Variants in KHDRBS2 observed in about 807,000 individuals in gnomAD.
KHDRBS2 encodes KH domain-containing, RNA-binding, signal transduction-associated protein 2.
KHDRBS2 carries 26 observed loss-of-function variants against 44.3 expected under a neutral mutation model. That is an observed-to-expected ratio of 0.59 (90% CI 0.43 to 0.81). The LOEUF (loss-of-function observed/expected upper bound fraction) is 0.81. KHDRBS2 is among the 40% of genes least tolerant of loss of function. KHDRBS2 has a pLI of 0.00. For synonymous variants in KHDRBS2, 194 were observed against 151.1 expected (o/e 1.28, Z -2.08); for missense variants, 476 against 433.1 (o/e 1.10, Z -0.88).
intron 3 of KHDRBS2, among the ~76,000 whole-genome samples, chr6:62,023,877 AAAGC>A (rs1782797063): frequency 1.3e-5 from 2 of 151,244 alleles, no homozygotes; most frequent in South Asian, 4.2e-4. Flanking sequence ...CTAAAAAAAC[AAAGC>A]AAGAGGCTTT....
At chr6:62,098,599 A>T (rs1801174984) in intron 2 of KHDRBS2, among the ~76,000 whole-genome samples, 1 of 152,038 alleles carries the variant, frequency 6.6e-6, no homozygotes, top group South Asian at 2.1e-4. Context: ...CCTTTGAGAG[A>T]TCAATTATGA....
At chr6:62,156,821 G>A (rs1396580799) in intron 2 of KHDRBS2, among the ~76,000 whole-genome samples, 4 of 144,666 alleles carry the variant, frequency 2.8e-5, no homozygotes, top group Non-Finnish European at 6.0e-5. Flanking sequence ...ACAGGTGCCC[G>A]CCACCACGCC....
chr6:61,910,796 T>C (rs779747236), intron 4 of KHDRBS2, among the ~76,000 whole-genome samples: 1 of 152,188 alleles, frequency 6.6e-6, no homozygotes, highest in Non-Finnish European at 1.5e-5. Flanking sequence ...GTTTAGATAA[T>C]ATTAAACGAC....
At chr6:61,630,342 T>A in the KHDRBS2 span, 1 of 137,666 alleles carries the variant, frequency 7.3e-6, no homozygotes, top group Admixed American at 7.6e-5. Context: ...CAATGAACAT[T>A]TTTTGTAGGT....
At chr6:61,908,065 T>G (rs1480646714) in intron 4 of KHDRBS2, among the ~76,000 whole-genome samples, 1 of 152,172 alleles carries the variant, frequency 6.6e-6, no homozygotes, top group Non-Finnish European at 1.5e-5. Flanking sequence ...TTTATAAATT[T>G]TATGCTCAAC....
chr6:61,944,541 T>C (rs1812808010), intron 4 of KHDRBS2, among the ~76,000 whole-genome samples: 1 of 151,788 alleles, frequency 6.6e-6, no homozygotes, highest in African/African-American at 2.4e-5. Context: ...TGGTAGTGAA[T>C]AGGTACAAAC....
intron 6 of KHDRBS2, among the ~76,000 whole-genome samples, chr6:61,839,677 G>A (rs916981894): frequency 6.6e-6 from 1 of 152,110 alleles, no homozygotes; most frequent in Admixed American, 6.6e-5. Flanking sequence ...ACAAAGTGAA[G>A]AGAATGTAGG....
the KHDRBS2 span, among the ~76,000 whole-genome samples, chr6:61,587,363 A>ATCTCTCTCTC: frequency 1.3e-5 from 2 of 149,594 alleles, no homozygotes; most frequent in African/African-American, 4.9e-5. Flanking sequence ...GCTTTTTTTT[A>ATCTCTCTCTC]TCTCTCTCTC....
intron 6 of KHDRBS2, among the ~76,000 whole-genome samples, chr6:61,795,374 C>T (rs1229456338): frequency 1.3e-5 from 2 of 151,832 alleles, no homozygotes; most frequent in African/African-American, 4.8e-5. Context: ...TCAACTTATA[C>T]ACAAGATTAA....
chr6:61,970,638 A>C (rs1470050056), intron 4 of KHDRBS2, among the ~76,000 whole-genome samples: 1 of 152,144 alleles, frequency 6.6e-6, no homozygotes, highest in Non-Finnish European at 1.5e-5. Context: ...GATTTGCAAC[A>C]GTTCTACTGG....
chr6:61,665,405 G>A, the KHDRBS2 span, among the ~76,000 whole-genome samples: 4 of 151,332 alleles, frequency 2.6e-5, no homozygotes, highest in East Asian at 2.0e-4. Context: ...TGCATTCTCA[G>A]AAAAACCAGG....
chr6:61,638,682 T>C, the KHDRBS2 span, among the ~76,000 whole-genome samples: 1 of 152,156 alleles, frequency 6.6e-6, no homozygotes, highest in African/African-American at 2.4e-5. Context: ...TTGAAGATCT[T>C]TTAACAGTAA....
At chr6:62,183,399 T>A (rs983436735) in intron 1 of KHDRBS2, among the ~76,000 whole-genome samples, 1 of 151,694 alleles carries the variant, frequency 6.6e-6, no homozygotes, top group Admixed American at 6.6e-5. Flanking sequence ...TAGAGCTATA[T>A]AGAACTAAAT....
chr6:61,668,825 T>C, the KHDRBS2 span, among the ~76,000 whole-genome samples: 1 of 151,024 alleles, frequency 6.6e-6, no homozygotes, highest in African/African-American at 2.4e-5. Flanking sequence ...AAATATATTT[T>C]AGTAGTGGGT....
At chr6:61,645,359 G>T in the KHDRBS2 span, among the ~76,000 whole-genome samples, 89,733 of 151,726 alleles carry the variant, frequency 0.59, 26,741 homozygotes, top group African/African-American at 0.61. Context: ...ACTAACTATT[G>T]GGTACTAGGC....
the KHDRBS2 span, among the ~76,000 whole-genome samples, chr6:61,548,789 G>T: frequency 2.0e-5 from 3 of 152,018 alleles, no homozygotes; most frequent in Non-Finnish European, 4.4e-5. Flanking sequence ...ATAGGAAAAA[G>T]TGGAGTTATC....
chr6:61,681,520 C>T (rs1323321564), intron 8 of KHDRBS2, among the ~76,000 whole-genome samples: 1 of 151,666 alleles, frequency 6.6e-6, no homozygotes, highest in Non-Finnish European at 1.5e-5. Flanking sequence ...TTCAAATACT[C>T]CCCAGATGAT....
chr6:61,624,966 T>C, the KHDRBS2 span, among the ~76,000 whole-genome samples: 1 of 152,070 alleles, frequency 6.6e-6, no homozygotes, highest in Non-Finnish European at 1.5e-5. Context: ...AGTGTTAAAC[T>C]TTGTATCCAG....
intron 1 of KHDRBS2, among the ~76,000 whole-genome samples, chr6:62,200,354 T>A (rs2150137706): frequency 6.6e-6 from 1 of 152,120 alleles, no homozygotes; most frequent in South Asian, 2.1e-4. Flanking sequence ...AGGGCTAATA[T>A]CCAGAATCTA....
Sources: gnomAD v4.1 joint callset for allele counts (sites outside exome capture counted in the v4.1 genomes callset) on GRCh38, gnomAD v4.1.1 for gene constraint, MANE v1.5 for transcripts, NCBI Gene and HGNC (gene_info 2026-07-23, HGNC 2026-07-21) for gene names.